ADAMTS12: variants seen among roughly 807,000 people sequenced by gnomAD.
ADAMTS12 encodes A disintegrin and metalloproteinase with thrombospondin motifs 12.
A neutral mutation model predicts 167.8 loss-of-function variants in ADAMTS12; 118 were observed. The ratio of observed to expected loss-of-function variants is 0.70; its 90% confidence interval spans 0.61 to 0.82. The LOEUF (loss-of-function observed/expected upper bound fraction) is 0.82, where lower values mean the gene tolerates loss of function less well. Among genes scored for constraint, ADAMTS12 ranks in the 40% least tolerant of loss-of-function variants. ADAMTS12 has a pLI of 0.00. For synonymous variants in ADAMTS12, 704 were observed against 716.9 expected (o/e 0.98, Z 0.29); for missense variants, 1,916 against 1,998.8 (o/e 0.96, Z 0.79).
rs149105810 is a variant in ADAMTS12 at position 33,730,871 on chromosome 5, A to C, written c.634+20533T>G. On this transcript the variant is annotated intron_variant, in intron 3 of 23. Coordinates refer to ENST00000504830, the MANE Select transcript of ADAMTS12 (RefSeq NM_030955.4). ...AATTATTGTCCTGAAGTTCTTCAGC[A>C]ATGAAGAAATCTGTACCTTGGCAGA... Among the ~76,000 whole-genome samples, 406 of 152,350 alleles carry C rather than the reference A, an allele frequency of 2.7e-3. 4 individuals are homozygous for C. The highest frequency in any genetic ancestry group is 9.2e-3 in the African/African-American group (384 of 41,582).
intron 2 of ADAMTS12, among the ~76,000 whole-genome samples, chr5:33,816,230 T>C (rs12518063): frequency 0.12 from 18,612 of 152,224 alleles, 1,424 homozygotes; most frequent in Non-Finnish European, 0.16. Flanking sequence ...TATAAAATAA[T>C]GTTATGATTT....
chr5:33,774,181 G>C (rs1477426830), intron 2 of ADAMTS12, among the ~76,000 whole-genome samples: 2 of 152,056 alleles, frequency 1.3e-5, no homozygotes, highest in Non-Finnish European at 2.9e-5. Context: ...CATTTATTAG[G>C]TGCTTCCTGT....
intron 1 of ADAMTS12, among the ~76,000 whole-genome samples, chr5:33,882,419 C>A (rs796898524): frequency 1.2e-4 from 19 of 152,252 alleles, no homozygotes; most frequent in African/African-American, 4.6e-4. Flanking sequence ...AAGACTGGAA[C>A]CCTTGATCCT....
intron 2 of ADAMTS12, among the ~76,000 whole-genome samples, chr5:33,810,945 G>C (rs1004397645): frequency 2.0e-5 from 3 of 152,176 alleles, no homozygotes; most frequent in Non-Finnish European, 4.4e-5. Context: ...TCTTTGCTGG[G>C]TTCTCTCCAG....
At chr5:33,883,345 T>G (rs1248226957) in intron 1 of ADAMTS12, among the ~76,000 whole-genome samples, 4 of 145,270 alleles carry the variant, frequency 2.8e-5, no homozygotes, top group South Asian at 2.2e-4. Context: ...TTTTTTTGTT[T>G]TTTTTTTTTC....
intron 17 of ADAMTS12, among the ~76,000 whole-genome samples, chr5:33,595,198 A>C (rs1487852498): frequency 6.6e-6 from 1 of 151,408 alleles, no homozygotes; most frequent in Non-Finnish European, 1.5e-5. Context: ...GCCTGGCATA[A>C]TAACATCCCA....
At chr5:33,597,165 C>T (rs1264120553) in intron 16 of ADAMTS12, among the ~76,000 whole-genome samples, 8 of 152,220 alleles carry the variant, frequency 5.3e-5, no homozygotes, top group African/African-American at 1.9e-4. Context: ...GAAAGGACCA[C>T]TGACTTTGAT....
Position 33,524,780 on chromosome 5 carries a change from T to C in ADAMTS12, c.*2408A>G, listed in dbSNP as rs1743736632. The C allele has an allele frequency of 6.6e-6, 1 of 152,214 alleles. No individual in the cohort carries two copies. The highest frequency in any genetic ancestry group is 6.5e-5 in the Admixed American group (1 of 15,282). 9.4% of individuals were successfully genotyped at this position (152,214 alleles called of 1,614,324 possible). A position where few individuals can be genotyped will look rare whatever the true frequency, so the allele number is the denominator to read the frequency against. ...GACATCACACAGCTGTCTTACAACA[T>C]AGCTCCAGAACAGGAAGCAAATATC... On this transcript the variant is annotated 3_prime_UTR_variant, in exon 24 of 24. Coordinates refer to ENST00000504830, the MANE Select transcript of ADAMTS12 (RefSeq NM_030955.4).
Position 33,785,739 on chromosome 5 carries a change from T to C in ADAMTS12, c.490-34191A>G, listed in dbSNP as rs117590078. ...TTGAAAATGTAAAATGGTACAATTA[T>C]TTTGGAAACCAGTTGGGCAGCTTCT... On this transcript the variant is annotated intron_variant, in intron 2 of 23. Coordinates refer to ENST00000504830, the MANE Select transcript of ADAMTS12 (RefSeq NM_030955.4). Among the ~76,000 whole-genome samples the C allele has an allele frequency of 5.4e-4, 82 of 152,316 alleles. No individual in the cohort carries two copies. In the East Asian group the frequency reaches 0.014, roughly 26 times the overall value.
intron 2 of ADAMTS12, among the ~76,000 whole-genome samples, chr5:33,781,679 T>C (rs1314951638): frequency 6.6e-6 from 1 of 150,746 alleles, no homozygotes; most frequent in Non-Finnish European, 1.5e-5. Flanking sequence ...CTTATCAACC[T>C]GTAAACTCTT....
In ADAMTS12 at chr5:33,641,829, T is replaced by C; in HGVS notation, c.1699A>G (p.Arg567Gly). 1 of 1,612,468 alleles carries C rather than the reference T, an allele frequency of 6.2e-7. No individual in the cohort carries two copies. The highest frequency in any genetic ancestry group is 8.5e-7 in the Non-Finnish European group (1 of 1,178,920). ...TCGAGVQSAE[R>G]LCNNPEPKFG... Reference sequence around the variant, plus strand: ...ACTCACTCGGGGTTGTTGCAGAGCCTCTCTGCGCTCTGGACTCCAGCCCCA... The same window carrying C: ...ACTCACTCGGGGTTGTTGCAGAGCCCCTCTGCGCTCTGGACTCCAGCCCCA... Residue 567 changes from arginine (R) to glycine (G), a missense_variant, in exon 11 of 24, where the codon AGG becomes GGG. By Grantham distance (125) the Arg-to-Gly change is moderately radical. Coordinates refer to ENST00000504830, the MANE Select transcript of ADAMTS12 (RefSeq NM_030955.4).
intron 20 of ADAMTS12, 98 bp downstream of exon 20, chr5:33,560,929 A>G: frequency 6.8e-7 from 1 of 1,476,746 alleles, no homozygotes; most frequent in Middle Eastern, 1.8e-4. Flanking sequence ...AAAAGAAAAA[A>G]AAAAAAAACG....
chr5:33,730,289 GGT>G lies in ADAMTS12; in HGVS notation c.634+21113_634+21114del, dbSNP rs762232547. Among the ~76,000 whole-genome samples the G allele has an allele frequency of 3.5e-3, 505 of 144,248 alleles. 2 individuals carry two copies. Among genetic ancestry groups the G allele is most frequent in the African/African-American group, 9.9e-3 (388 of 39,126 alleles). 94.6% of individuals were successfully genotyped at this position (144,248 alleles called of 152,430 possible). A position where few individuals can be genotyped will look rare whatever the true frequency, so the allele number is the denominator to read the frequency against. ...CTATTATGAGATCAGAGTCCATTAG[GGT>G]GTGTGTGTGTGTGTGTGTGTGTGTG... is the stretch of plus-strand genomic sequence containing the variant. On this transcript the variant is annotated intron_variant, in intron 3 of 23. Coordinates refer to ENST00000504830, the MANE Select transcript of ADAMTS12 (RefSeq NM_030955.4).
intron 2 of ADAMTS12, among the ~76,000 whole-genome samples, chr5:33,809,217 G>A (rs1747351554): frequency 6.6e-6 from 1 of 152,150 alleles, no homozygotes; most frequent in African/African-American, 2.4e-5. Flanking sequence ...TGATGCAGTA[G>A]GTCTGGGATA....
chr5:33,583,667 T>C (rs1229474659), intron 18 of ADAMTS12, among the ~76,000 whole-genome samples: 1 of 152,212 alleles, frequency 6.6e-6, no homozygotes, highest in Non-Finnish European at 1.5e-5. Context: ...TTTGCCGTCT[T>C]TTGGATGTAA....
chr5:33,587,703 C>T (rs749828319), intron 18 of ADAMTS12, among the ~76,000 whole-genome samples: 10 of 152,240 alleles, frequency 6.6e-5, no homozygotes, highest in Admixed American at 4.6e-4. Flanking sequence ...CCTCCTTCCT[C>T]GGCCTCCTAA....
intron 3 of ADAMTS12, among the ~76,000 whole-genome samples, chr5:33,707,344 G>C (rs915509358): frequency 1.3e-5 from 2 of 152,166 alleles, no homozygotes; most frequent in Non-Finnish European, 2.9e-5. Context: ...TCATGGATAG[G>C]AAGAATCAGT....
chr5:33,571,017 A>G (rs1397812611), intron 19 of ADAMTS12, among the ~76,000 whole-genome samples: 2 of 152,138 alleles, frequency 1.3e-5, no homozygotes, highest in East Asian at 1.9e-4. Flanking sequence ...ACATAATGGT[A>G]AAGGGATCAA....
Position 33,525,874 on chromosome 5 carries a change from G to A in ADAMTS12, c.*1314C>T, listed in dbSNP as rs1029272716. 2.6e-5 allele frequency: 4 copies of A among 152,110 alleles called. No individual in the cohort carries two copies. Among genetic ancestry groups the A allele is most frequent in the African/African-American group, 7.2e-5 (3 of 41,418 alleles). The allele number at this position is 152,110 out of a possible 1,614,324, so 9.4% of individuals were successfully genotyped here. A position where few individuals can be genotyped will look rare whatever the true frequency, so the allele number is the denominator to read the frequency against. ...CAGTTCATGTAAGTACCTTCCCTTAGAAATCACTTTGTCTAGAAATTTGCT... is the reference window on the plus strand; with the variant it reads ...CAGTTCATGTAAGTACCTTCCCTTAAAAATCACTTTGTCTAGAAATTTGCT... On this transcript the variant is annotated 3_prime_UTR_variant, in exon 24 of 24. Coordinates refer to ENST00000504830, the MANE Select transcript of ADAMTS12 (RefSeq NM_030955.4).
Sources: gnomAD v4.1 joint callset for allele counts (sites outside exome capture counted in the v4.1 genomes callset) on GRCh38, gnomAD v4.1.1 for gene constraint, MANE v1.5 for transcripts, NCBI Gene and HGNC (gene_info 2026-07-23, HGNC 2026-07-21) for gene names.